SETD3: variants seen among roughly 807,000 people sequenced by gnomAD.
SETD3 encodes actin-histidine N-methyltransferase.
In SETD3, 19 loss-of-function variants were observed where a neutral mutation model predicts 63.0. The observed-to-expected ratio is 0.30, with a 90% CI of 0.21 to 0.44. The LOEUF (loss-of-function observed/expected upper bound fraction) is 0.44, where lower values mean the gene tolerates loss of function less well. Ranked by LOEUF, SETD3 falls within the 20% of genes least tolerant of loss-of-function variation. The pLI is 1.00. For missense variants in SETD3, 587 were observed against 728.5 expected, an observed-to-expected ratio of 0.81 and a Z score of 2.24; for synonymous variants, 286 against 264.1, an observed-to-expected ratio of 1.08 and a Z score of -0.80.
At chr14:99,399,744 T>TAC (rs1891283013) in intron 12 of SETD3, among the ~76,000 whole-genome samples, 3 of 15,184 alleles carry the variant, frequency 2.0e-4, no homozygotes, top group African/African-American at 3.6e-4. Flanking sequence ...TCATTAAATT[T>TAC]TTTTTTTTTT....
chr14:99,415,398 C>T (rs1892238119), intron 6 of SETD3, among the ~76,000 whole-genome samples: 1 of 152,150 alleles, frequency 6.6e-6, no homozygotes, highest in Non-Finnish European at 1.5e-5. Flanking sequence ...TCTCAAAATG[C>T]TAAATCTAAA....
chr14:99,416,381 T>C (rs1892292562), intron 6 of SETD3, among the ~76,000 whole-genome samples: 1 of 152,250 alleles, frequency 6.6e-6, no homozygotes, highest in Non-Finnish European at 1.5e-5. Flanking sequence ...AACTGAGCGT[T>C]CCTCACTTAA....
chr14:99,448,729 T>C (rs1380477544), intron 6 of SETD3, among the ~76,000 whole-genome samples: 1 of 152,174 alleles, frequency 6.6e-6, no homozygotes, highest in Non-Finnish European at 1.5e-5. Flanking sequence ...GCAGATGCAA[T>C]GTTACCATGA....
intron 6 of SETD3, among the ~76,000 whole-genome samples, chr14:99,446,055 CTG>C (rs1894112761): frequency 6.6e-6 from 1 of 152,200 alleles, no homozygotes; most frequent in South Asian, 2.1e-4. Context: ...GGAGGAAAAA[CTG>C]TGTCTAGGGT....
chr14:99,439,548 A>G (rs892519292), intron 6 of SETD3, among the ~76,000 whole-genome samples: 2 of 150,472 alleles, frequency 1.3e-5, no homozygotes, highest in South Asian at 2.1e-4. Flanking sequence ...AGCAAAACTC[A>G]TTACATATAT....
At chr14:99,466,618 C>CG (rs33981608) in intron 1 of SETD3, among the ~76,000 whole-genome samples, 2 of 149,000 alleles carry the variant, frequency 1.3e-5, no homozygotes, top group Admixed American at 6.6e-5. Flanking sequence ...TGAAGAATGG[C>CG]GGGGGGGGGG....
intron 1 of SETD3, among the ~76,000 whole-genome samples, chr14:99,471,164 C>T (rs1895682480): frequency 6.6e-6 from 1 of 152,188 alleles, no homozygotes; most frequent in Admixed American, 6.5e-5. Flanking sequence ...CCAAAGCTTC[C>T]ATCTCTATAT....
chr14:99,410,292 G>C, intron 8 of SETD3: 1 of 1,607,806 alleles, frequency 6.2e-7, no homozygotes, highest in Non-Finnish European at 8.5e-7. Context: ...TGTTCGGAGA[G>C]ACTTGTCTGC....
intron 1 of SETD3, among the ~76,000 whole-genome samples, chr14:99,467,690 C>A (rs967853263): frequency 8.5e-5 from 13 of 152,200 alleles, no homozygotes; most frequent in Admixed American, 5.2e-4. Context: ...AGACCTTCTG[C>A]TGTGGGAGCC....
chr14:99,422,836 C>T (rs112592956), intron 6 of SETD3, among the ~76,000 whole-genome samples: 1 of 152,228 alleles, frequency 6.6e-6, no homozygotes, highest in South Asian at 2.1e-4. Flanking sequence ...GGGAAGAAAA[C>T]ACAGCTCAAA....
At chr14:99,435,112 C>T (rs967683963) in intron 6 of SETD3, among the ~76,000 whole-genome samples, 1 of 152,080 alleles carries the variant, frequency 6.6e-6, no homozygotes, top group Non-Finnish European at 1.5e-5. Flanking sequence ...CCATTTACCA[C>T]CAGGTACATA....
At chr14:99,450,027 T>C (rs1392293985) in intron 6 of SETD3, among the ~76,000 whole-genome samples, 1 of 152,032 alleles carries the variant, frequency 6.6e-6, no homozygotes, top group Non-Finnish European at 1.5e-5. Context: ...CAACTCAGAG[T>C]GACAATCTGC....
intron 6 of SETD3, among the ~76,000 whole-genome samples, chr14:99,428,254 G>A (rs1698943675): frequency 6.6e-6 from 1 of 152,226 alleles, no homozygotes; most frequent in Non-Finnish European, 1.5e-5. Context: ...GTGTCAGTAA[G>A]TTAGTATCCA....
At chr14:99,481,401 AG>A (rs781247386), upstream of SETD3, 33 of 398,616 alleles carry the variant, frequency 8.3e-5, no homozygotes, top group Non-Finnish European at 1.1e-4. Context: ...GTGATGACGT[AG>A]GTCCCCGACA....
chr14:99,415,494 C>T (rs1892243301), intron 6 of SETD3, among the ~76,000 whole-genome samples: 1 of 152,096 alleles, frequency 6.6e-6, no homozygotes, highest in Non-Finnish European at 1.5e-5. Context: ...TGATCTCCAT[C>T]AAGAGATGGA....
rs576141843 is a variant in SETD3, at chr14:99,459,106, T to C, written c.418+7A>G. The C allele has an allele frequency of 1.4e-5, 23 of 1,603,890 alleles. No homozygotes were observed. The South Asian group carries it at 2.5e-4, about 17-fold the overall frequency. ...CTTTGCCTTGAAGAGTCAGAAATTATTCTCACCCAACACTGAATTTTTAGC... is the reference window on the plus strand; with the variant it reads ...CTTTGCCTTGAAGAGTCAGAAATTACTCTCACCCAACACTGAATTTTTAGC... On this transcript the variant is annotated splice_region_variant and intron_variant, in intron 5 of 12. Coordinates refer to ENST00000331768, the MANE Select transcript of SETD3 (RefSeq NM_032233.3).
At chr14:99,432,740 G>C (rs1893253139) in intron 6 of SETD3, among the ~76,000 whole-genome samples, 1 of 152,312 alleles carries the variant, frequency 6.6e-6, no homozygotes, top group East Asian at 1.9e-4. Flanking sequence ...CTCATGCTGA[G>C]AGGCTCCCAG....
chr14:99,439,274 C>T (rs907639771), intron 6 of SETD3, among the ~76,000 whole-genome samples: 1 of 152,230 alleles, frequency 6.6e-6, no homozygotes, highest in Non-Finnish European at 1.5e-5. Context: ...ATGCCCTTCT[C>T]ACCCCCAACT....
chr14:99,474,311 T>G (rs1191249956), intron 1 of SETD3, among the ~76,000 whole-genome samples: 1 of 148,824 alleles, frequency 6.7e-6, no homozygotes, highest in African/African-American at 2.5e-5. Flanking sequence ...GGCGACAGAG[T>G]GAGACTCTGT....
Sources: gnomAD v4.1 joint callset for allele counts (sites outside exome capture counted in the v4.1 genomes callset) on GRCh38, gnomAD v4.1.1 for gene constraint, MANE v1.5 for transcripts, NCBI Gene and HGNC (gene_info 2026-07-23, HGNC 2026-07-21) for gene names.